ZNF385B: variants seen among roughly 807,000 people sequenced by gnomAD.
ZNF385B encodes zinc finger protein 385B.
A neutral mutation model predicts 39.2 loss-of-function variants in ZNF385B; 23 were observed. The ratio of observed to expected loss-of-function variants is 0.59; its 90% CI spans 0.42 to 0.83. The LOEUF (loss-of-function observed/expected upper bound fraction) is 0.83, where lower values mean the gene tolerates loss of function less well. ZNF385B is among the 40% of genes least tolerant of loss of function. The pLI, the probability that ZNF385B is intolerant of heterozygous loss-of-function variation, is 0.00. For synonymous variants in ZNF385B, 205 were observed against 222.6 expected (o/e 0.92, Z 0.70); for missense variants, 552 against 598.9 (o/e 0.92, Z 0.82).
chr2:179,663,570 C>T (rs1187096585), intron 3 of ZNF385B, among the ~76,000 whole-genome samples: 1 of 151,904 alleles, frequency 6.6e-6, no homozygotes, highest in Non-Finnish European at 1.5e-5. Flanking sequence ...ATTAGACGGG[C>T]GTGGTGGCGG....
chr2:179,817,711 G>C (rs1310611810), intron 1 of ZNF385B, among the ~76,000 whole-genome samples: 1 of 151,746 alleles, frequency 6.6e-6, no homozygotes, highest in African/African-American at 2.4e-5. Flanking sequence ...GGGTCTATGT[G>C]GTTATGTTCA....
At chr2:179,832,049 G>C (rs1325616618) in intron 1 of ZNF385B, among the ~76,000 whole-genome samples, 2 of 152,216 alleles carry the variant, frequency 1.3e-5, no homozygotes, top group African/African-American at 2.4e-5. Flanking sequence ...GTGGGTCTGA[G>C]GATATGTGGC....
intron 4 of ZNF385B, among the ~76,000 whole-genome samples, chr2:179,530,455 C>T (rs2059186833): frequency 1.3e-5 from 2 of 152,074 alleles, no homozygotes; most frequent in South Asian, 4.1e-4. Flanking sequence ...TTCTAAGAGA[C>T]TAGAGGAATA....
intron 1 of ZNF385B, among the ~76,000 whole-genome samples, chr2:179,774,844 T>G (rs945968877): frequency 2.6e-5 from 4 of 152,182 alleles, no homozygotes; most frequent in African/African-American, 9.7e-5. Context: ...GGCTTAAAGT[T>G]CAAATTCTGA....
chr2:179,581,430 G>A (rs999172172), intron 3 of ZNF385B, among the ~76,000 whole-genome samples: 3 of 152,146 alleles, frequency 2.0e-5, no homozygotes, highest in African/African-American at 7.2e-5. Flanking sequence ...TTTACAAGAA[G>A]ATGAGCAAAT....
chr2:179,848,554 G>A (rs549030967), intron 1 of ZNF385B, among the ~76,000 whole-genome samples: 6 of 152,302 alleles, frequency 3.9e-5, no homozygotes, highest in African/African-American at 1.4e-4. Context: ...CCATTGCTCA[G>A]TCAAAGCCTT....
chr2:179,611,705 C>T (rs1689303268), intron 3 of ZNF385B, among the ~76,000 whole-genome samples: 2 of 152,132 alleles, frequency 1.3e-5, no homozygotes, highest in Admixed American at 1.3e-4. Context: ...GATCTCATTA[C>T]TTGTTATTGG....
chr2:179,693,105 C>T (rs942739755), intron 3 of ZNF385B, among the ~76,000 whole-genome samples: 12 of 152,186 alleles, frequency 7.9e-5, no homozygotes, highest in Non-Finnish European at 1.5e-4. Context: ...TCTAGTCAGG[C>T]ACAATTTTTT....
At chr2:179,487,575 G>C (rs1038392345) in intron 5 of ZNF385B, among the ~76,000 whole-genome samples, 1 of 152,160 alleles carries the variant, frequency 6.6e-6, no homozygotes, top group African/African-American at 2.4e-5. Flanking sequence ...ACAAGGACAG[G>C]AGCCAGAAAA....
At chr2:179,843,775 A>G (rs928246004) in intron 1 of ZNF385B, among the ~76,000 whole-genome samples, 7 of 152,204 alleles carry the variant, frequency 4.6e-5, no homozygotes, top group African/African-American at 1.2e-4. Context: ...GTCAAACTCA[A>G]TCTACCTTCA....
rs199834784 is a variant in ZNF385B, at chr2:179,617,995, CTGAT to C, written c.299-73030_299-73027del. On this transcript the variant is annotated intron_variant, in intron 3 of 9. Coordinates refer to ENST00000410066, the MANE Select transcript of ZNF385B (RefSeq NM_152520.6). Reference sequence around the variant, plus strand: ...CCGTGCTCACTCTCTCTTCTTCTTCCTGATTATTATTACTCATGTCTGCCAATTG... The same window carrying C: ...CCGTGCTCACTCTCTCTTCTTCTTCCTATTATTACTCATGTCTGCCAATTG... 2.4e-3 allele frequency among the ~76,000 whole-genome samples: 365 copies of C among 152,198 alleles called. 4 individuals carry two copies. In the East Asian group the frequency reaches 0.029, roughly 12 times the overall value.
chr2:179,720,412 G>A (rs1207303039), intron 3 of ZNF385B, among the ~76,000 whole-genome samples: 21 of 139,518 alleles, frequency 1.5e-4, no homozygotes, highest in Non-Finnish European at 1.1e-4. Flanking sequence ...GGGGAGGGGA[G>A]GAGGGGAGGG....
chr2:179,599,276 C>T (rs932500607), intron 3 of ZNF385B, among the ~76,000 whole-genome samples: 5 of 152,046 alleles, frequency 3.3e-5, no homozygotes, highest in South Asian at 2.1e-4. Flanking sequence ...CTTCTGATTC[C>T]GAAAATCACA....
chr2:179,699,317 A>G (rs937088634), intron 3 of ZNF385B, among the ~76,000 whole-genome samples: 1 of 152,010 alleles, frequency 6.6e-6, no homozygotes, highest in African/African-American at 2.4e-5. Context: ...TAAATAACAT[A>G]CACTCAAAAC....
chr2:179,861,602 G>C lies in ZNF385B; in HGVS notation c.-656C>G, dbSNP rs569744081. Reference sequence around the variant, plus strand: ...ATGAGGCGGAACCGTTCGGGGGCTCGTTGACACTGCAGAGCCTCCCGCAGC... The same window carrying C: ...ATGAGGCGGAACCGTTCGGGGGCTCCTTGACACTGCAGAGCCTCCCGCAGC... On this transcript the variant is annotated 5_prime_UTR_variant, in exon 1 of 10. Transcript: ENST00000410066. The C allele has an allele frequency of 6.6e-6, 1 of 152,356 alleles. No individual in the cohort carries two copies. The highest frequency in any genetic ancestry group is 1.5e-5 in the Non-Finnish European group (1 of 68,054). The allele number at this position is 152,356 out of a possible 1,614,324, so 9.4% of individuals were successfully genotyped here. A position where few individuals can be genotyped will look rare whatever the true frequency, so the allele number is the denominator to read the frequency against.
At chr2:179,852,323 T>C (rs568623519) in intron 1 of ZNF385B, among the ~76,000 whole-genome samples, 5 of 152,310 alleles carry the variant, frequency 3.3e-5, no homozygotes, top group African/African-American at 9.6e-5. Context: ...TGACATTCAA[T>C]AGCCATAGTG....
intron 5 of ZNF385B, among the ~76,000 whole-genome samples, chr2:179,505,917 A>T: frequency 6.6e-6 from 1 of 152,150 alleles, no homozygotes; most frequent in African/African-American, 2.4e-5. Context: ...TCTGAAAAAC[A>T]GTTTTTTATT....
intron 6 of ZNF385B, among the ~76,000 whole-genome samples, chr2:179,457,440 T>C (rs1229967760): frequency 6.6e-6 from 1 of 152,114 alleles, no homozygotes; most frequent in Non-Finnish European, 1.5e-5. Context: ...CTAGCTTTAG[T>C]AGATTCTGAA....
intron 3 of ZNF385B, among the ~76,000 whole-genome samples, chr2:179,619,480 C>G (rs17768733): frequency 0.22 from 32,818 of 152,186 alleles, 3,738 homozygotes; most frequent in South Asian, 0.29. Flanking sequence ...CCTGCTCCCC[C>G]ATCCAGCCAA....
Sources: gnomAD v4.1 joint callset for allele counts (sites outside exome capture counted in the v4.1 genomes callset) on GRCh38, gnomAD v4.1.1 for gene constraint, MANE v1.5 for transcripts, NCBI Gene and HGNC (gene_info 2026-07-23, HGNC 2026-07-21) for gene names.